ASTN2: variants seen among roughly 807,000 people sequenced by gnomAD.
ASTN2 encodes the protein astrotactin 2, also known as astrotactin-2.
Under a neutral mutation model 139.8 loss-of-function variants are expected in ASTN2, and 54 were observed. The ratio of observed to expected loss-of-function variants is 0.39; its 90% CI spans 0.31 to 0.48. The LOEUF (loss-of-function observed/expected upper bound fraction) is 0.48. ASTN2 is among the 20% of genes least tolerant of loss of function. The probability of loss-of-function intolerance (pLI) is 0.95; values close to 1 mark genes in which losing one functional copy is unlikely to be tolerated. For missense variants in ASTN2, 1,565 were observed against 1,725.1 expected (o/e 0.91, Z 1.64); for synonymous variants, 756 against 719.5 (o/e 1.05, Z -0.81).
intron 11 of ASTN2, among the ~76,000 whole-genome samples, chr9:116,826,536 C>T (rs1329506909): frequency 6.6e-6 from 1 of 152,142 alleles, no homozygotes; most frequent in African/African-American, 2.4e-5. Context: ...ACTAGCCCGC[C>T]CAACCCATCA....
chr9:117,112,287 G>C (rs2132790067), intron 4 of ASTN2, among the ~76,000 whole-genome samples: 1 of 151,542 alleles, frequency 6.6e-6, no homozygotes, highest in South Asian at 2.1e-4. Context: ...AAATTGACAA[G>C]GTAATTCTAA....
At chr9:116,499,435 A>T (rs1308063310) in intron 19 of ASTN2, among the ~76,000 whole-genome samples, 7 of 152,124 alleles carry the variant, frequency 4.6e-5, no homozygotes, top group Admixed American at 4.6e-4. Context: ...GTCTTTCAAA[A>T]AGCTCTTCTT....
intron 5 of ASTN2, among the ~76,000 whole-genome samples, chr9:117,045,422 G>A (rs576264230): frequency 6.6e-6 from 1 of 152,064 alleles, no homozygotes; most frequent in South Asian, 2.1e-4. Flanking sequence ...TGTGCTGTAG[G>A]AATAGCATTC....
intron 11 of ASTN2, among the ~76,000 whole-genome samples, chr9:116,823,271 T>C (rs1407174642): frequency 6.6e-6 from 1 of 152,246 alleles, no homozygotes; most frequent in Non-Finnish European, 1.5e-5. Flanking sequence ...GTCACACAGT[T>C]TGGTGGTGAC....
intron 16 of ASTN2, chr9:116,697,395 T>C (rs1293911586): frequency 3.2e-6 from 1 of 310,562 alleles, no homozygotes; most frequent in African/African-American, 2.1e-5. Context: ...GAAAGAGCTT[T>C]TGGAAGTTTG....
intron 10 of ASTN2, among the ~76,000 whole-genome samples, chr9:116,955,033 T>C (rs969749895): frequency 3.3e-5 from 5 of 152,234 alleles, no homozygotes; most frequent in African/African-American, 7.2e-5. Flanking sequence ...CTTCCACTTT[T>C]GGCAGAATGA....
intron 19 of ASTN2, among the ~76,000 whole-genome samples, chr9:116,602,557 T>C (rs146835091): frequency 6.6e-6 from 1 of 152,314 alleles, no homozygotes; most frequent in Non-Finnish European, 1.5e-5. Flanking sequence ...ATGAAAAATG[T>C]TAAATTGTTT....
chr9:117,334,954 C>T (rs907229408), intron 1 of ASTN2, among the ~76,000 whole-genome samples: 5 of 152,146 alleles, frequency 3.3e-5, no homozygotes, highest in African/African-American at 1.2e-4. Flanking sequence ...ACTTAGGAGG[C>T]TGAGGCATGA....
intron 4 of ASTN2, among the ~76,000 whole-genome samples, chr9:117,129,072 G>T (rs1452855108): frequency 2.6e-5 from 4 of 152,258 alleles, no homozygotes; most frequent in Admixed American, 1.3e-4. Flanking sequence ...AACGTATCAG[G>T]CAGCTTGAAG....
chr9:116,914,271 G>C (rs1834386248), intron 10 of ASTN2, among the ~76,000 whole-genome samples: 1 of 151,908 alleles, frequency 6.6e-6, no homozygotes, highest in African/African-American at 2.4e-5. Flanking sequence ...ATGTGAACAT[G>C]AGAAAGACAC....
Position 116,922,706 on chromosome 9 carries a change from C to T in ASTN2, c.1889+52502G>A, listed in dbSNP as rs148754917. On this transcript the variant is annotated intron_variant, in intron 10 of 22. Transcript: ENST00000313400. Reference sequence around the variant, plus strand: ...TGATATGGAGACATCTTTAAAACTTCGTATTAGTAGAAAAAGCAAGTTTCA... The same window carrying T: ...TGATATGGAGACATCTTTAAAACTTTGTATTAGTAGAAAAAGCAAGTTTCA... 1.2e-3 allele frequency among the ~76,000 whole-genome samples: 181 copies of T among 152,202 alleles called. 2 individuals are homozygous for T. Among genetic ancestry groups the T allele is most frequent in the Middle Eastern group, 3.4e-3 (1 of 294 alleles).
intron 1 of ASTN2, among the ~76,000 whole-genome samples, chr9:117,297,829 G>T (rs1036124683): frequency 6.6e-6 from 1 of 152,170 alleles, no homozygotes; most frequent in Non-Finnish European, 1.5e-5. Context: ...TTTCAAGAGG[G>T]TAATTTCCCA....
intron 19 of ASTN2, among the ~76,000 whole-genome samples, chr9:116,560,021 G>A (rs746728775): frequency 8.5e-5 from 13 of 152,090 alleles, no homozygotes; most frequent in Non-Finnish European, 1.6e-4. Context: ...AGCAGTACTC[G>A]GATTTGAACC....
At chr9:117,082,567 C>T (rs772289152) in intron 5 of ASTN2, among the ~76,000 whole-genome samples, 31 of 152,108 alleles carry the variant, frequency 2.0e-4, no homozygotes, top group African/African-American at 3.9e-4. Flanking sequence ...CCTTCCTGGC[C>T]GAGGCAGGCA....
chr9:116,674,911 A>G (rs369533290), intron 16 of ASTN2, among the ~76,000 whole-genome samples: 25 of 152,174 alleles, frequency 1.6e-4, no homozygotes, highest in African/African-American at 5.3e-4. Flanking sequence ...GACTGATTTG[A>G]GTAATAATAA....
At chr9:117,246,890 A>G (rs1833398193) in intron 2 of ASTN2, among the ~76,000 whole-genome samples, 1 of 152,256 alleles carries the variant, frequency 6.6e-6, no homozygotes, top group African/African-American at 2.4e-5. Context: ...GAGCTCCTAG[A>G]ATGGAGGGAT....
At chr9:116,955,638 C>A (rs1425895404) in intron 10 of ASTN2, among the ~76,000 whole-genome samples, 9 of 152,308 alleles carry the variant, frequency 5.9e-5, no homozygotes, top group African/African-American at 2.2e-4. Context: ...GAAAAATTAC[C>A]AGCTTTGGAT....
At chr9:116,970,604 A>G (rs1460055018) in intron 10 of ASTN2, among the ~76,000 whole-genome samples, 1 of 152,156 alleles carries the variant, frequency 6.6e-6, no homozygotes, top group Non-Finnish European at 1.5e-5. Context: ...TCTATTACTT[A>G]GTTTAAAATA....
rs553648718 is a variant in ASTN2, at chr9:116,862,876, TCTC to T, written c.2040+704_2040+706del. On this transcript the variant is annotated intron_variant, in intron 11 of 22. Coordinates refer to ENST00000313400, the MANE Select transcript of ASTN2 (RefSeq NM_001365068.1). ...AAAAAGTCAGGCTCCCGGGACCTAA[TCTC>T]CTCTCTAGAATAAAAGCTTCTAGAG... is the stretch of plus-strand genomic sequence containing the variant. 2.2e-3 allele frequency among the ~76,000 whole-genome samples: 328 copies of T among 151,020 alleles called. 2 individuals carry two copies. The highest frequency in any genetic ancestry group is 7.8e-3 in the African/African-American group (319 of 41,112).
Sources: gnomAD v4.1 joint callset for allele counts (sites outside exome capture counted in the v4.1 genomes callset) on GRCh38, gnomAD v4.1.1 for gene constraint, MANE v1.5 for transcripts, NCBI Gene and HGNC (gene_info 2026-07-23, HGNC 2026-07-21) for gene names.